Variants in ALPK2 observed in about 807,000 individuals in gnomAD.
ALPK2 encodes the protein alpha-protein kinase 2.
ALPK2 carries 127 observed loss-of-function variants against 163.1 expected under a neutral mutation model. The ratio of observed to expected loss-of-function variants is 0.78; its 90% CI spans 0.67 to 0.90. The LOEUF is 0.90. Ranked by LOEUF, ALPK2 falls within the 40% of genes least tolerant of loss-of-function variation. The pLI is 0.00. For synonymous variants in ALPK2, 953 were observed against 959.1 expected (o/e 0.99, Z 0.12); for missense variants, 2,360 against 2,589.6 (o/e 0.91, Z 1.92).
chr18:58,496,245 G>A (rs935321803), intron 12 of ALPK2, among the ~76,000 whole-genome samples: 2 of 152,054 alleles, frequency 1.3e-5, no homozygotes, highest in African/African-American at 4.8e-5. Flanking sequence ...GTATGAACTG[G>A]GTCTCGCTCT....
intron 10 of ALPK2, among the ~76,000 whole-genome samples, chr18:58,507,434 C>T (rs1485829816): frequency 6.6e-6 from 1 of 152,156 alleles, no homozygotes; most frequent in Non-Finnish European, 1.5e-5. Flanking sequence ...ATAGTGGCCA[C>T]ACAACGTCAG....
chr18:58,574,490 A>C (rs2051908908), intron 4 of ALPK2, among the ~76,000 whole-genome samples: 1 of 150,788 alleles, frequency 6.6e-6, no homozygotes, highest in Non-Finnish European at 1.5e-5. Context: ...AGGGGTCCCC[A>C]ACCCCCAGCC....
rs1488661697 is a variant in ALPK2, at chr18:58,515,641, G to A, written c.5941-560C>T. Reference sequence around the variant, plus strand: ...GAATACTGAGAGAGAAAAGAAAAAAGCAGAGTGGATTGGGAGAAGAAAGGA... The same window carrying A: ...GAATACTGAGAGAGAAAAGAAAAAAACAGAGTGGATTGGGAGAAGAAAGGA... On this transcript the variant is annotated intron_variant, in intron 9 of 12. Coordinates refer to ENST00000361673, the MANE Select transcript of ALPK2 (RefSeq NM_052947.4). Among the ~76,000 whole-genome samples, 6 of 152,302 alleles carry A rather than the reference G, an allele frequency of 3.9e-5. No individual in the cohort carries two copies. The East Asian group carries it at 1.2e-3, about 29-fold the overall frequency.
intron 3 of ALPK2, among the ~76,000 whole-genome samples, chr18:58,593,628 A>G (rs1049300164): frequency 1.3e-5 from 2 of 150,540 alleles, no homozygotes; most frequent in African/African-American, 4.9e-5. Context: ...CTGTAATCCC[A>G]GCACTTTGGG....
At chr18:58,498,969 CAT>C (rs1311145837) in intron 11 of ALPK2, among the ~76,000 whole-genome samples, 1 of 152,170 alleles carries the variant, frequency 6.6e-6, no homozygotes. Context: ...AAACTTCAGA[CAT>C]ATGATTTCTC....
chr18:58,500,609 G>C lies in ALPK2; in HGVS notation c.6248-2512C>G, dbSNP rs189794881. ...ACAGGTTGTTTCTAACAGAAGAAAG[G>C]AAATGAACAGCATTAGAAGTTCATT... On this transcript the variant is annotated intron_variant, in intron 11 of 12. Coordinates refer to ENST00000361673, the MANE Select transcript of ALPK2 (RefSeq NM_052947.4). 4.6e-5 allele frequency among the ~76,000 whole-genome samples: 7 copies of C among 152,258 alleles called. No individual in the cohort carries two copies. In the East Asian group the frequency reaches 1.4e-3, roughly 29 times the overall value.
At position 58,484,029 on chromosome 18, in the gene ALPK2, G is replaced by A. The variant is rs565673156; in HGVS notation, c.6297-1990C>T. Among the ~76,000 whole-genome samples, 156 of 152,256 alleles carry A rather than the reference G, an allele frequency of 1.0e-3. 1 individual carries two copies. Among genetic ancestry groups the A allele is most frequent in the African/African-American group, 3.7e-3 (153 of 41,548 alleles). On this transcript the variant is annotated intron_variant, in intron 12 of 12. Transcript: ENST00000361673. ...GTTAATTTCTGTCTCTCCACTCACT[G>A]TAAATTCTGTGATAGCAGAGGTCAC...
chr18:58,487,003 A>G (rs2051342281), intron 12 of ALPK2, among the ~76,000 whole-genome samples: 1 of 152,168 alleles, frequency 6.6e-6, no homozygotes, highest in African/African-American at 2.4e-5. Flanking sequence ...TTGAATCTGG[A>G]GCTGTAGGCC....
chr18:58,559,975 G>A (rs923605810), intron 4 of ALPK2, among the ~76,000 whole-genome samples: 1 of 152,216 alleles, frequency 6.6e-6, no homozygotes, highest in African/African-American at 2.4e-5. Flanking sequence ...GAGGTCAGAA[G>A]TCCAACATGA....
chr18:58,508,321 A>G (rs1203407435), intron 10 of ALPK2, among the ~76,000 whole-genome samples: 4 of 152,202 alleles, frequency 2.6e-5, no homozygotes, highest in African/African-American at 9.7e-5. Context: ...TCTGTCAGAG[A>G]TGTGTGAACC....
Position 58,537,831 on chromosome 18 carries a change from G to T in ALPK2, c.2356C>A (p.Leu786Ile), listed in dbSNP as rs1403261184. ...TCATCACACACATTTTCCAGGGTGA[G>T]GGCAGTATCTGTGGGTTCAGGGGAA... The part of the protein sequence containing the change: ...VASPEPTDTA[L>I]TLENVCDEPR... Residue 786 changes from leucine to isoleucine, a missense_variant, in exon 5 of 13, where the codon CTC becomes ATC. Leu to Ile is a conservative substitution (Grantham distance 5). Transcript: ENST00000361673. 6.2e-7 allele frequency: 1 copy of T among 1,614,128 alleles called. No individual in the cohort carries two copies. Among genetic ancestry groups the T allele is most frequent in the Non-Finnish European group, 8.5e-7 (1 of 1,180,014 alleles).
intron 4 of ALPK2, among the ~76,000 whole-genome samples, chr18:58,539,466 CTT>C (rs2051678719): frequency 6.6e-6 from 1 of 152,210 alleles, no homozygotes; most frequent in African/African-American, 2.4e-5. Flanking sequence ...GCAGCAAACT[CTT>C]TGACTAAATC....
At position 58,529,164 on chromosome 18, in the gene ALPK2, A is replaced by T; in HGVS notation, c.5428T>A (p.Phe1810Ile). 1.2e-6 allele frequency: 2 copies of T among 1,614,094 alleles called. No homozygotes were observed. Among genetic ancestry groups the T allele is most frequent in the Non-Finnish European group, 1.7e-6 (2 of 1,179,958 alleles). The change falls in exon 6 of 13, where the codon TTT (phenylalanine) becomes ATT (isoleucine). Residue 1810 changes from phenylalanine to isoleucine, a missense_variant. Coordinates refer to ENST00000361673, the MANE Select transcript of ALPK2 (RefSeq NM_052947.4). ...GTAGAATCTTCATGAATTTCTGCAA[A>T]TTGGCAGCTTAATTTTACATTTCCA... ...HSGNVKLSCQFAEIHEDSTIC... is the reference protein window; with the variant it reads ...HSGNVKLSCQIAEIHEDSTIC...
intron 12 of ALPK2, 100 bp from the exon 13 acceptor site, chr18:58,482,139 C>T: frequency 1.2e-6 from 1 of 822,208 alleles, no homozygotes; most frequent in East Asian, 2.4e-5. Context: ...GTGCATGGAA[C>T]ATATATGAAT....
In ALPK2 at chr18:58,538,166, G is replaced by A; in HGVS notation, c.2021C>T (p.Ser674Leu). 1 of 1,613,684 alleles carries A rather than the reference G, an allele frequency of 6.2e-7. No individual in the cohort carries two copies. The highest frequency in any genetic ancestry group is 8.5e-7 in the Non-Finnish European group (1 of 1,180,018). ...TISCSQMPAF[S>L]EPAGEESPFT... ...TGGGGACTCCTCCCCAGCAGGCTCTGAGAAAGCTGGCATCTGGCTGCAAGA... is the reference window on the plus strand; with the variant it reads ...TGGGGACTCCTCCCCAGCAGGCTCTAAGAAAGCTGGCATCTGGCTGCAAGA... Residue 674 changes from serine to leucine, a missense_variant, in exon 5 of 13, where the codon TCA (serine) becomes TTA (leucine). Coordinates refer to ENST00000361673, the MANE Select transcript of ALPK2 (RefSeq NM_052947.4).
chr18:58,526,505 T>C (rs900218836), intron 6 of ALPK2, among the ~76,000 whole-genome samples: 1 of 152,122 alleles, frequency 6.6e-6, no homozygotes, highest in Admixed American at 6.5e-5. Context: ...TGCTCAGCTA[T>C]CAGTAGGGCC....
At chr18:58,490,453 G>T (rs2051367988) in intron 12 of ALPK2, among the ~76,000 whole-genome samples, 1 of 152,052 alleles carries the variant, frequency 6.6e-6, no homozygotes, top group Admixed American at 6.6e-5. Context: ...TGCTTGGATG[G>T]CCCCATCTCC....
intron 6 of ALPK2, among the ~76,000 whole-genome samples, chr18:58,525,747 C>T (rs1054613708): frequency 2.0e-5 from 3 of 152,064 alleles, no homozygotes; most frequent in Admixed American, 1.3e-4. Flanking sequence ...TGAGGAGTAA[C>T]GTGTCATGAC....
intron 8 of ALPK2, 79 bp from the exon 9 acceptor site, chr18:58,517,261 CCACAT>C: frequency 6.8e-7 from 1 of 1,479,524 alleles, no homozygotes; most frequent in Non-Finnish European, 9.1e-7. Context: ...GGGAGGGTCC[CCACAT>C]AAGGACAATG....
Sources: gnomAD v4.1 joint callset for allele counts (sites outside exome capture counted in the v4.1 genomes callset) on GRCh38, gnomAD v4.1.1 for gene constraint, MANE v1.5 for transcripts, NCBI Gene and HGNC (gene_info 2026-07-23, HGNC 2026-07-21) for gene names.